GRID2: variants seen among roughly 807,000 people sequenced by gnomAD.
The protein encoded by GRID2 is glutamate receptor ionotropic, delta-2.
GRID2 carries 33 observed loss-of-function variants against 114.8 expected under a neutral mutation model. The ratio of observed to expected loss-of-function variants is 0.29; its 90% CI spans 0.22 to 0.38. The LOEUF is 0.38. GRID2 is among the 10% of genes least tolerant of loss of function. GRID2 has a pLI of 1.00. For synonymous variants in GRID2, 505 were observed against 449.9 expected (o/e 1.12, Z -1.55); for missense variants, 1,184 against 1,257.7 (o/e 0.94, Z 0.89).
chr4:93,094,538 G>A lies in GRID2; in HGVS notation c.529+9259G>A, dbSNP rs117932668. On this transcript the variant is annotated intron_variant, in intron 3 of 15. Transcript: ENST00000282020. Reference sequence around the variant, plus strand: ...CAGAATAACTCTTCATTGATAATGAGAAATTAACAGCTGAAAAAAATCAAT... The same window carrying A: ...CAGAATAACTCTTCATTGATAATGAAAAATTAACAGCTGAAAAAAATCAAT... 3.8e-3 allele frequency among the ~76,000 whole-genome samples: 573 copies of A among 151,902 alleles called. 20 individuals are homozygous for A. In the East Asian group the frequency reaches 0.062, roughly 16 times the overall value.
rs574331423 is a variant in GRID2, at chr4:93,004,698, C to G, written c.245-80297C>G. Among the ~76,000 whole-genome samples the G allele has an allele frequency of 2.0e-5, 3 of 152,108 alleles. 1 individual carries two copies. In the South Asian group the frequency reaches 6.2e-4, roughly 32 times the overall value. ...CCTCAGAGCAGAACTCCTAAATGAG[C>G]TGTCCTGACTCATATTCTCTACTCC... On this transcript the variant is annotated intron_variant, in intron 2 of 15. Coordinates refer to ENST00000282020, the MANE Select transcript of GRID2 (RefSeq NM_001510.4).
intron 2 of GRID2, among the ~76,000 whole-genome samples, chr4:92,831,956 C>A (rs1180597762): frequency 6.6e-6 from 1 of 151,922 alleles, no homozygotes; most frequent in Non-Finnish European, 1.5e-5. Flanking sequence ...TAACATGGCT[C>A]TGACGATTAA....
intron 14 of GRID2, among the ~76,000 whole-genome samples, chr4:93,697,869 G>GTATATATA (rs749542291): frequency 0.016 from 1,963 of 122,700 alleles, 120 homozygotes; most frequent in Non-Finnish European, 0.022. Flanking sequence ...CACAATGTGT[G>GTATATATA]TATATATATA....
At chr4:93,536,485 A>T (rs1269849849) in intron 13 of GRID2, among the ~76,000 whole-genome samples, 1 of 151,862 alleles carries the variant, frequency 6.6e-6, no homozygotes, top group African/African-American at 2.4e-5. Flanking sequence ...TGTTAGGAGA[A>T]CTGGATATCC....
At chr4:93,762,599 A>G (rs1444181587) in intron 14 of GRID2, among the ~76,000 whole-genome samples, 1 of 152,154 alleles carries the variant, frequency 6.6e-6, no homozygotes, top group Non-Finnish European at 1.5e-5. Context: ...TCAGGAGAAG[A>G]GAAAGGCAAG....
At chr4:92,787,967 T>C (rs1739401515) in intron 2 of GRID2, among the ~76,000 whole-genome samples, 1 of 151,696 alleles carries the variant, frequency 6.6e-6, no homozygotes, top group South Asian at 2.1e-4. Context: ...AAATGGAACA[T>C]ACATGGGGAG....
At chr4:93,279,478 A>G (rs1194267837) in intron 8 of GRID2, among the ~76,000 whole-genome samples, 2 of 151,838 alleles carry the variant, frequency 1.3e-5, no homozygotes, top group Non-Finnish European at 2.9e-5. Context: ...CATGATATTG[A>G]CAGGTTTTTT....
chr4:92,582,644 T>G, intron 1 of GRID2, among the ~76,000 whole-genome samples: 1 of 152,092 alleles, frequency 6.6e-6, no homozygotes, highest in Non-Finnish European at 1.5e-5. Flanking sequence ...TTGAGAATTT[T>G]AATATACAAT....
chr4:93,608,312 T>A (rs201061148), intron 13 of GRID2, among the ~76,000 whole-genome samples: 12,444 of 117,186 alleles, frequency 0.11, 419 homozygotes, highest in African/African-American at 0.15. Context: ...TTTTTTTTAA[T>A]TTTTTTTTTT....
At chr4:93,361,306 T>G (rs2149275156) in intron 8 of GRID2, among the ~76,000 whole-genome samples, 1 of 152,188 alleles carries the variant, frequency 6.6e-6, no homozygotes, top group South Asian at 2.1e-4. Flanking sequence ...GTCTCCAAAC[T>G]GAGGTTTTGG....
intron 4 of GRID2, among the ~76,000 whole-genome samples, chr4:93,177,449 T>C (rs1426184821): frequency 6.6e-6 from 1 of 152,128 alleles, no homozygotes; most frequent in African/African-American, 2.4e-5. Flanking sequence ...AAATGGAGGC[T>C]TAGCCTGCTT....
chr4:93,212,486 G>A (rs781741450), intron 5 of GRID2, among the ~76,000 whole-genome samples: 2 of 152,044 alleles, frequency 1.3e-5, no homozygotes, highest in East Asian at 1.9e-4. Flanking sequence ...CAGCCTTTCC[G>A]TGCAAGTATT....
intron 10 of GRID2, among the ~76,000 whole-genome samples, chr4:93,435,674 G>A (rs1276522842): frequency 1.3e-5 from 2 of 152,178 alleles, no homozygotes; most frequent in Admixed American, 1.3e-4. Flanking sequence ...TGCCCATTAT[G>A]TAGATTTAAG....
intron 2 of GRID2, among the ~76,000 whole-genome samples, chr4:92,971,600 C>T (rs145949584): frequency 5.3e-5 from 8 of 152,044 alleles, no homozygotes; most frequent in African/African-American, 1.4e-4. Flanking sequence ...TATTGTTAAT[C>T]GTATTCATGC....
intron 6 of GRID2, among the ~76,000 whole-genome samples, chr4:93,220,186 A>C (rs1190635720): frequency 6.6e-6 from 1 of 152,114 alleles, no homozygotes; most frequent in Non-Finnish European, 1.5e-5. Context: ...AGTACCTCAG[A>C]TAAGACAACA....
chr4:92,688,102 C>T (rs1310171640), intron 2 of GRID2, among the ~76,000 whole-genome samples: 4 of 124,878 alleles, frequency 3.2e-5, no homozygotes, highest in African/African-American at 6.2e-5. Flanking sequence ...CAGGCTGGAG[C>T]ACAGTGGTGC....
chr4:93,488,425 C>T (rs1726625230), intron 11 of GRID2, among the ~76,000 whole-genome samples: 1 of 151,694 alleles, frequency 6.6e-6, no homozygotes, highest in South Asian at 2.1e-4. Context: ...GGTGTACTTA[C>T]CCCACGTATA....
chr4:92,933,002 A>G (rs1006106791), intron 2 of GRID2, among the ~76,000 whole-genome samples: 15 of 151,098 alleles, frequency 9.9e-5, no homozygotes, highest in Non-Finnish European at 2.1e-4. Flanking sequence ...TGATTTGAGT[A>G]GTGGTTACAT....
At position 93,126,329 on chromosome 4, in the gene GRID2, CA is replaced by C. The variant is rs141119183; in HGVS notation, c.735+15377del. 2.6e-5 allele frequency among the ~76,000 whole-genome samples: 4 copies of C among 151,958 alleles called. No individual in the cohort carries two copies. The East Asian group carries it at 7.8e-4, about 29-fold the overall frequency. ...TTGTTTATATATTCATAATAGTCTA[CA>C]GAGTTCAAAAGAAGGCATAATTGGC... is the stretch of plus-strand genomic sequence containing the variant. On this transcript the variant is annotated intron_variant, in intron 4 of 15. Coordinates refer to ENST00000282020, the MANE Select transcript of GRID2 (RefSeq NM_001510.4).
Sources: gnomAD v4.1 joint callset for allele counts (sites outside exome capture counted in the v4.1 genomes callset) on GRCh38, gnomAD v4.1.1 for gene constraint, MANE v1.5 for transcripts, NCBI Gene and HGNC (gene_info 2026-07-23, HGNC 2026-07-21) for gene names.